Variants in MRPL28 observed in about 807,000 individuals in gnomAD.
MRPL28 encodes the protein large ribosomal subunit protein bL28m.
In MRPL28, 25 loss-of-function variants were observed where a neutral mutation model predicts 26.2. That is an observed-to-expected ratio of 0.95 (90% CI 0.69 to 1.33). The LOEUF is 1.33. MRPL28 is among the 40% of genes most tolerant of loss of function. MRPL28 has a pLI of 0.00. For synonymous variants in MRPL28, 227 were observed against 140.1 expected (o/e 1.62, Z -4.38); for missense variants, 432 against 327.2 (o/e 1.32, Z -2.47).
Position 367,721 on chromosome 16 carries a change from G to A in MRPL28, c.725C>T (p.Ala242Val), listed in dbSNP as rs2054272566. 2 of 1,613,758 alleles carry A rather than the reference G, an allele frequency of 1.2e-6. No individual in the cohort carries two copies. The highest frequency in any genetic ancestry group is 1.7e-6 in the Non-Finnish European group (2 of 1,180,044). ...CTGCACCACCGCCGGCTCTGACAGT[G>A]CCTGCTGCTGCAGCTGCTGGATCAG... ...AELIQQLQQQ[A>V]LSEPAVVQKR... Residue 242 changes from alanine to valine, a missense_variant, in exon 6 of 6, where the codon GCA becomes GTA. Coordinates refer to ENST00000199706, the MANE Select transcript of MRPL28 (RefSeq NM_006428.5).
intron 1 of MRPL28, 67 bp from the exon 2 acceptor site, chr16:370,292 C>A: frequency 2.8e-6 from 4 of 1,433,912 alleles, no homozygotes; most frequent in Admixed American, 2.5e-5. Context: ...ACCCCCTACC[C>A]CGGCCCCCGA....
rs765954576 is a variant in MRPL28 at position 368,325 on chromosome 16, C to G, written c.663+3G>C. 49 of 1,613,290 alleles carry G rather than the reference C, an allele frequency of 3.0e-5. No individual in the cohort carries two copies. The highest frequency in any genetic ancestry group is 5.3e-5 in the African/African-American group (4 of 75,048). On this transcript the variant is annotated splice_donor_region_variant and intron_variant, in intron 5 of 5. Coordinates refer to ENST00000199706, the MANE Select transcript of MRPL28 (RefSeq NM_006428.5). ...CAGCATCGGCTGGTGCTCACACACT[C>G]ACCTTCTCCTCCAAAAGTCTCTGCT...
intron 5 of MRPL28, 96 bp from the exon 6 acceptor site, chr16:367,878 G>T: frequency 1.9e-6 from 2 of 1,064,264 alleles, no homozygotes; most frequent in Non-Finnish European, 2.8e-6. Flanking sequence ...CAGAGGAACC[G>T]GGGCATGAGA....
chr16:368,572 G>A lies in MRPL28; in HGVS notation c.505C>T (p.Leu169Phe). The A allele has an allele frequency of 1.3e-6, 2 of 1,598,928 alleles. No individual in the cohort carries two copies. The highest frequency in any genetic ancestry group is 8.5e-7 in the Non-Finnish European group (1 of 1,170,886). ...MDLKRGMLLR[L>F]ARQDPQLHPE... Reference sequence around the variant, plus strand: ...TGCAGCTGGGGGTCCTGCCGGGCAAGCCGCAGCAGCATCCCTCGCTTCAGG... The same window carrying A: ...TGCAGCTGGGGGTCCTGCCGGGCAAACCGCAGCAGCATCCCTCGCTTCAGG... Residue 169 changes from leucine (L) to phenylalanine (F), a missense_variant, in exon 4 of 6, where the codon CTT becomes TTT. Leu to Phe is a conservative substitution (Grantham distance 22). Transcript: ENST00000199706.
At position 368,596 on chromosome 16, in the gene MRPL28, G is replaced by C. The variant is rs757421560; in HGVS notation, c.481C>G (p.Leu161Val). The part of the protein sequence containing the change: ...EDLCSKFGMD[L>V]KRGMLLRLAR... ...AGCCGCAGCAGCATCCCTCGCTTCA[G>C]GTCCATCCCAAACTTGGAGCACAGG... Residue 161 changes from leucine (L) to valine (V), a missense_variant, in exon 4 of 6, where the codon CTG becomes GTG. Coordinates refer to ENST00000199706, the MANE Select transcript of MRPL28 (RefSeq NM_006428.5). 1.1e-5 allele frequency: 18 copies of C among 1,591,750 alleles called. No individual in the cohort carries two copies. The highest frequency in any genetic ancestry group is 1.4e-5 in the Non-Finnish European group (16 of 1,166,336).
In MRPL28 at chr16:366,985, G is replaced by A. The variant is rs1433520141; in HGVS notation, c.*690C>T. ...CACTTTGGCAGGTTGAGGCAGGTGG[G>A]TCACCTGAGGTCAGGAGTTCAAGCC... is the stretch of plus-strand genomic sequence containing the variant. On this transcript the variant is annotated 3_prime_UTR_variant, in exon 6 of 6. Transcript: ENST00000199706. Among the ~76,000 whole-genome samples, 3 of 152,122 alleles carry A rather than the reference G, an allele frequency of 2.0e-5. No homozygotes were observed. Among genetic ancestry groups the A allele is most frequent in the African/African-American group, 7.2e-5 (3 of 41,416 alleles).
chr16:369,479 G>A (rs1018213230), intron 2 of MRPL28: 2 of 633,214 alleles, frequency 3.2e-6, no homozygotes, highest in Non-Finnish European at 5.7e-6. Flanking sequence ...TGCTGCATGT[G>A]TTTCAGAAAC....
Position 367,744 on chromosome 16 carries a change from C to G in MRPL28, c.702G>C (p.Leu234=), listed in dbSNP as rs758662475. 3 of 1,613,740 alleles carry G rather than the reference C, an allele frequency of 1.9e-6. No homozygotes were observed. The African/African-American group carries it at 4.0e-5, about 22-fold the overall frequency. ...GTGCCTGCTGCTGCAGCTGCTGGATCAGCTCCGCCACATAGATCTTGAACA... is the reference window on the plus strand; with the variant it reads ...GTGCCTGCTGCTGCAGCTGCTGGATGAGCTCCGCCACATAGATCTTGAACA... ...VPLFKIYVAE[L]IQQLQQQALS... The change falls in exon 6 of 6, where the codon CTG becomes CTC. Residue 234 remains leucine (L), a synonymous_variant. Coordinates refer to ENST00000199706, the MANE Select transcript of MRPL28 (RefSeq NM_006428.5).
Position 370,230 on chromosome 16 carries a change from C to T in MRPL28, c.-7-5G>A, listed in dbSNP as rs749986501. 3 of 1,561,614 alleles carry T rather than the reference C, an allele frequency of 1.9e-6. No homozygotes were observed. The highest frequency in any genetic ancestry group is 1.7e-6 in the Non-Finnish European group (2 of 1,158,244). On this transcript the variant is annotated splice_region_variant and splice_polypyrimidine_tract_variant and intron_variant, in intron 1 of 5. Transcript: ENST00000199706. ...TTGTGTAGAGGCATCGCGAGCCTGG[C>T]GGGAGGTGGGGGCTCGCAGTCAGTC...
chr16:367,985 T>C (rs914530676), intron 5 of MRPL28, among the ~76,000 whole-genome samples: 6 of 152,208 alleles, frequency 3.9e-5, no homozygotes, highest in African/African-American at 1.4e-4. Context: ...CCTGTGGTCA[T>C]GGATAAACAG....
rs2054270847 is a variant in MRPL28 at position 367,603 on chromosome 16, T to C, written c.*72A>G. The C allele has an allele frequency of 7.3e-7, 1 of 1,367,346 alleles. No individual in the cohort carries two copies. Among genetic ancestry groups the C allele is most frequent in the Non-Finnish European group, 1.0e-6 (1 of 964,622 alleles). 84.7% of individuals were successfully genotyped at this position (1,367,346 alleles called of 1,614,324 possible). A position where few individuals can be genotyped will look rare whatever the true frequency, so the allele number is the denominator to read the frequency against. The stretch of plus-strand genomic sequence containing the variant: ...CGGTGGCCCTCACAGCTCCCCGGGA[T>C]CTGTGTCCTCAGTGCAAAGGGCCTG... On this transcript the variant is annotated 3_prime_UTR_variant, in exon 6 of 6. Transcript: ENST00000199706.
rs1455384480 is a variant in MRPL28 at position 367,246 on chromosome 16, C to G, written c.*429G>C. 2 of 557,606 alleles carry G rather than the reference C, an allele frequency of 3.6e-6. No homozygotes were observed. The highest frequency in any genetic ancestry group is 5.8e-5 in the East Asian group (2 of 34,728). The allele number at this position is 557,606 out of a possible 1,614,324, so 34.5% of individuals were successfully genotyped here. A position where few individuals can be genotyped will look rare whatever the true frequency, so the allele number is the denominator to read the frequency against. On this transcript the variant is annotated 3_prime_UTR_variant, in exon 6 of 6. Transcript: ENST00000199706. ...AAAAAACACAAAACACAGAATTGAA[C>G]CTCGCTCTCTGCAGCTCACCGGGGG...
chr16:370,023 G>A lies in MRPL28; in HGVS notation c.196C>T (p.Pro66Ser), dbSNP rs772941032. The A allele has an allele frequency of 2.5e-6, 4 of 1,613,264 alleles. No individual in the cohort carries two copies. Among genetic ancestry groups the A allele is most frequent in the East Asian group, 2.2e-5 (1 of 44,886 alleles). The stretch of plus-strand genomic sequence containing the variant: ...TCGGGGGGAAAGTAGATGGGAATGG[G>A]CACGTCCTCCACACGCTCCCGCTGC... ...NGQRERVEDV[P>S]IPIYFPPESQ... The change falls in exon 2 of 6, where the codon CCC becomes TCC. Residue 66 changes from proline (P) to serine (S), a missense_variant. By Grantham distance (74) the Pro-to-Ser change is moderately conservative. Coordinates refer to ENST00000199706, the MANE Select transcript of MRPL28 (RefSeq NM_006428.5).
At chr16:369,789 T>G (rs1237712751) in intron 2 of MRPL28, 142 bp downstream of exon 2, 2 of 1,082,208 alleles carry the variant, frequency 1.8e-6, no homozygotes, top group African/African-American at 3.1e-5. Context: ...TCACTCAGCG[T>G]GCTCCTTTGC....
intron 2 of MRPL28, 81 bp from the exon 3 acceptor site, chr16:369,301 C>T (rs888217864): frequency 9.9e-5 from 149 of 1,504,260 alleles, no homozygotes; most frequent in Middle Eastern, 3.8e-4. Context: ...GCCCTCACCT[C>T]CCCCCCGGAG....
At position 370,082 on chromosome 16, in the gene MRPL28, T is replaced by G; in HGVS notation, c.137A>C (p.His46Pro). 2 of 1,612,358 alleles carry G rather than the reference T, an allele frequency of 1.2e-6. No individual in the cohort carries two copies. Among genetic ancestry groups the G allele is most frequent in the Non-Finnish European group, 1.7e-6 (2 of 1,179,564 alleles). The change falls in exon 2 of 6, where the codon CAT becomes CCT. Residue 46 changes from histidine to proline, a missense_variant. Physicochemically the swap from His to Pro is moderately conservative, Grantham distance 77. Transcript: ENST00000199706. ...GGGGTTGATCTTGAACTTGGCCCCA[T>G]GAGGCCTATAGTGCACGGGAGTGGG... ...RTPTPVHYRP[H>P]GAKFKINPKN...
At chr16:370,370 C>A in intron 1 of MRPL28, 129 bp downstream of exon 1, 4 of 1,354,164 alleles carry the variant, frequency 3.0e-6, no homozygotes, top group African/African-American at 1.5e-5. Context: ...ACCCGCTACC[C>A]CGGCCCCCGG....
chr16:368,260 C>A (rs2054278760), intron 5 of MRPL28, 68 bp downstream of exon 5: 1 of 1,559,522 alleles, frequency 6.4e-7, no homozygotes, highest in Admixed American at 1.7e-5. Context: ...CTCTCCAAGG[C>A]AGCACACTCC....
intron 3 of MRPL28, 59 bp downstream of exon 3, chr16:369,009 G>T: frequency 6.3e-7 from 1 of 1,576,086 alleles, no homozygotes; most frequent in Non-Finnish European, 8.7e-7. Flanking sequence ...TGGGGCTCCC[G>T]TGAGTCTGAC....
Sources: gnomAD v4.1 joint callset for allele counts (sites outside exome capture counted in the v4.1 genomes callset) on GRCh38, gnomAD v4.1.1 for gene constraint, MANE v1.5 for transcripts, NCBI Gene and HGNC (gene_info 2026-07-23, HGNC 2026-07-21) for gene names.